The following CLIP2 variants were observed in gnomAD, a reference collection of about 807,000 sequenced individuals.
CLIP2 encodes the protein CAP-Gly domain-containing linker protein 2.
Under a neutral mutation model 111.7 loss-of-function variants are expected in CLIP2, and 41 were observed. That is an observed-to-expected ratio of 0.37 (90% CI 0.29 to 0.48). The LOEUF (loss-of-function observed/expected upper bound fraction) is 0.48. Among genes scored for constraint, CLIP2 ranks in the 20% least tolerant of loss-of-function variants. The pLI is 0.99. For synonymous variants in CLIP2, 660 were observed against 644.2 expected (o/e 1.02, Z -0.37); for missense variants, 1,160 against 1,422.1 (o/e 0.82, Z 2.96).
intron 3 of CLIP2, among the ~76,000 whole-genome samples, chr7:74,339,778 A>T (rs935945172): frequency 6.6e-6 from 1 of 152,012 alleles, no homozygotes; most frequent in Non-Finnish European, 1.5e-5. Flanking sequence ...AAAGGCTGGG[A>T]ACTGGAGTTC....
chr7:74,338,840 C>T lies in CLIP2; in HGVS notation c.514C>T (p.His172Tyr), dbSNP rs1789561865. 1 of 1,610,552 alleles carries T rather than the reference C, an allele frequency of 6.2e-7. No individual in the cohort carries two copies. The highest frequency in any genetic ancestry group is 8.5e-7 in the Non-Finnish European group (1 of 1,179,910). Residue 172 changes from histidine (H) to tyrosine (Y), a missense_variant, in exon 3 of 17, where the codon CAT becomes TAT. By Grantham distance (83) the His-to-Tyr change is moderately conservative (BLOSUM62 2). This residue lies in a region of CLIP2 where 301 missense variants were observed against 315.2 expected (regional missense o/e 0.96). Coordinates refer to ENST00000223398, the MANE Select transcript of CLIP2 (RefSeq NM_003388.5). This position sits in a 1 kb window ranked among gnomAD's most constrained non-coding sequence, Gnocchi z 4.3. Reference protein sequence around the residue: ...ESLTAQNLSLHSGTATPPLTS... With the variant: ...ESLTAQNLSLYSGTATPPLTS... Reference sequence around the variant, plus strand: ...GCTGACTGCCCAGAACCTGTCATTGCATTCGGGCACGGCCACGCCCCCGCT... The same window carrying T: ...GCTGACTGCCCAGAACCTGTCATTGTATTCGGGCACGGCCACGCCCCCGCT...
chr7:74,401,750 A>C, intron 16 of CLIP2, 183 bp downstream of exon 16: 1 of 725,922 alleles, frequency 1.4e-6, no homozygotes, highest in Non-Finnish European at 2.4e-6. Flanking sequence ...GCTCTTTTTG[A>C]TTTGTGTTTT....
chr7:74,385,078 T>C (rs1791048096), intron 11 of CLIP2, among the ~76,000 whole-genome samples: 1 of 138,026 alleles, frequency 7.2e-6, no homozygotes, highest in Non-Finnish European at 1.5e-5. Flanking sequence ...AAAGTTCATG[T>C]CCAGCCTGGC....
At chr7:74,318,069 G>A (rs1188922695) in intron 2 of CLIP2, among the ~76,000 whole-genome samples, 4 of 151,874 alleles carry the variant, frequency 2.6e-5, no homozygotes, top group African/African-American at 9.7e-5. Context: ...GTGGTGGCAG[G>A]TGCCTGTAAT....
intron 3 of CLIP2, among the ~76,000 whole-genome samples, chr7:74,347,779 A>G (rs1562701741): frequency 6.6e-6 from 1 of 152,248 alleles, no homozygotes; most frequent in African/African-American, 2.4e-5. Flanking sequence ...ATGAATATTC[A>G]TGTTGTATAA....
intron 10 of CLIP2, among the ~76,000 whole-genome samples, chr7:74,377,920 G>A (rs768312119): frequency 6.6e-6 from 1 of 151,506 alleles, no homozygotes; most frequent in Non-Finnish European, 1.5e-5. Flanking sequence ...CCGCCTCCCA[G>A]GTTCAAGCAA....
rs1352985399 is a variant in CLIP2 at position 74,376,803 on chromosome 7, G to C, written c.2402G>C (p.Cys801Ser). 2 of 1,599,710 alleles carry C rather than the reference G, an allele frequency of 1.3e-6. No individual in the cohort carries two copies. Among genetic ancestry groups the C allele is most frequent in the Non-Finnish European group, 1.7e-6 (2 of 1,173,984 alleles). ...AGACTCCAGGCGGTCGAGGCCCTGT[G>C]CTCCTCCCAGCACACCCACGTAGGC... ...ENRLQAVEAL[C>S]SSQHTHMIES... Residue 801 changes from cysteine (C) to serine (S), a missense_variant, in exon 10 of 17, where the codon TGC becomes TCC. Coordinates refer to ENST00000223398, the MANE Select transcript of CLIP2 (RefSeq NM_003388.5). The surrounding 1 kb of genome is among the most constrained non-coding windows in gnomAD (Gnocchi z 7.1).
At chr7:74,304,556 CAAA>C (rs11372908) in intron 1 of CLIP2, among the ~76,000 whole-genome samples, 1 of 130,546 alleles carries the variant, frequency 7.7e-6, no homozygotes, top group South Asian at 2.4e-4. Flanking sequence ...GAGACTCTGA[CAAA>C]AAAAAAAAAA....
At chr7:74,379,678 C>T (rs537287041) in intron 10 of CLIP2, among the ~76,000 whole-genome samples, 15 of 151,792 alleles carry the variant, frequency 9.9e-5, no homozygotes, top group South Asian at 2.1e-4. Context: ...GCAGGAGAAT[C>T]GCTTCAGAGT....
chr7:74,376,208 A>G lies in CLIP2; in HGVS notation c.1807A>G (p.Thr603Ala), dbSNP rs781899001. 4 of 1,612,746 alleles carry G rather than the reference A, an allele frequency of 2.5e-6. No homozygotes were observed. The South Asian group carries it at 3.3e-5, about 13-fold the overall frequency. ...AGLKDKVQQA[T>A]SENMGLMDNW... Reference sequence around the variant, plus strand: ...CCTGAAGGACAAGGTTCAGCAGGCCACCAGCGAGAACATGGGGCTAATGGA... The same window carrying G: ...CCTGAAGGACAAGGTTCAGCAGGCCGCCAGCGAGAACATGGGGCTAATGGA... The change falls in exon 10 of 17, where the codon ACC becomes GCC. Residue 603 changes from threonine to alanine, a missense_variant. Thr to Ala is a moderately conservative substitution (Grantham distance 58). This residue lies in a region of CLIP2 where 676 missense variants were observed against 777.8 expected (regional missense o/e 0.87). Coordinates refer to ENST00000223398, the MANE Select transcript of CLIP2 (RefSeq NM_003388.5). The surrounding 1 kb of genome is among the most constrained non-coding windows in gnomAD (Gnocchi z 7.1).
At position 74,401,543 on chromosome 7, in the gene CLIP2, G is replaced by C; in HGVS notation, c.3105G>C (p.Gln1035His). 1 of 1,614,056 alleles carries C rather than the reference G, an allele frequency of 6.2e-7. No individual in the cohort carries two copies. The highest frequency in any genetic ancestry group is 1.1e-5 in the South Asian group (1 of 91,064). Residue 1035 changes from glutamine to histidine, a missense_variant, in exon 16 of 17, where the codon CAG becomes CAC. This residue lies in a region of CLIP2 where 676 missense variants were observed against 777.8 expected (regional missense o/e 0.87). Coordinates refer to ENST00000223398, the MANE Select transcript of CLIP2 (RefSeq NM_003388.5). Reference protein sequence around the residue: ...GNSGSANGIHQQDKAQKQEDK... With the variant: ...GNSGSANGIHHQDKAQKQEDK... ...CCGGTTCTGCAAACGGCATCCACCA[G>C]CAGGACAAAGCTCAGAAACAAGAGG... is the stretch of plus-strand genomic sequence containing the variant.
intron 1 of CLIP2, among the ~76,000 whole-genome samples, chr7:74,307,582 C>T (rs1788530745): frequency 6.6e-6 from 1 of 152,192 alleles, no homozygotes; most frequent in African/African-American, 2.4e-5. Flanking sequence ...CCTCCGCCTC[C>T]TGGGTTCAAG....
chr7:74,299,916 C>T (rs531940609), intron 1 of CLIP2, among the ~76,000 whole-genome samples: 79 of 151,998 alleles, frequency 5.2e-4, no homozygotes, highest in Middle Eastern at 3.4e-3. Context: ...AGGCTGGTCT[C>T]GAACTCCTGA....
Position 74,357,459 on chromosome 7 carries a change from C to T in CLIP2, c.1197C>T (p.Leu399=). Residue 399 remains leucine, a synonymous_variant, in exon 6 of 17, where the codon CTC becomes CTT. Coordinates refer to ENST00000223398, the MANE Select transcript of CLIP2 (RefSeq NM_003388.5). ...ICEVEKEIAL[L]KAQHEQYVAE... is the part of the protein sequence containing the mutation. ...AGGTGGAGAAGGAGATTGCCCTGCTCAAGGCACAGCATGAGCAGGTGAGTG... is the reference window on the plus strand; with the variant it reads ...AGGTGGAGAAGGAGATTGCCCTGCTTAAGGCACAGCATGAGCAGGTGAGTG... The T allele has an allele frequency of 1.2e-6, 2 of 1,613,126 alleles. No homozygotes were observed. The highest frequency in any genetic ancestry group is 1.7e-6 in the Non-Finnish European group (2 of 1,179,620).
chr7:74,389,276 G>C lies in CLIP2; in HGVS notation c.2720+17G>C. The stretch of plus-strand genomic sequence containing the variant: ...GAAGGAGCGGTGAGGCGGCCGTGGG[G>C]CCGGCTGGGTCCTCCCTGTGGCCCT... On this transcript the variant is annotated intron_variant, in intron 13 of 16. Coordinates refer to ENST00000223398, the MANE Select transcript of CLIP2 (RefSeq NM_003388.5). 6.4e-7 allele frequency: 1 copy of C among 1,559,360 alleles called. No individual in the cohort carries two copies. Among genetic ancestry groups the C allele is most frequent in the Non-Finnish European group, 8.7e-7 (1 of 1,154,120 alleles).
At chr7:74,299,081 C>T (rs536933905) in intron 1 of CLIP2, among the ~76,000 whole-genome samples, 10 of 152,156 alleles carry the variant, frequency 6.6e-5, no homozygotes, top group Admixed American at 5.9e-4. Flanking sequence ...CCTGTAATCC[C>T]AGCACTTTGG....
intron 1 of CLIP2, among the ~76,000 whole-genome samples, chr7:74,303,787 C>A (rs1788403495): frequency 6.6e-6 from 1 of 151,488 alleles, no homozygotes; most frequent in Non-Finnish European, 1.5e-5. Flanking sequence ...TGGTGCACTC[C>A]TGTGGGCTCA....
At chr7:74,317,853 A>G (rs142960826) in intron 2 of CLIP2, among the ~76,000 whole-genome samples, 186 bp downstream of exon 2, 1 of 152,220 alleles carries the variant, frequency 6.6e-6, no homozygotes, top group African/African-American at 2.4e-5. Flanking sequence ...CAGGGAGGGG[A>G]CATGGGCGCT....
chr7:74,343,337 C>T (rs1789712416), intron 3 of CLIP2, among the ~76,000 whole-genome samples: 1 of 152,230 alleles, frequency 6.6e-6, no homozygotes, highest in East Asian at 1.9e-4. Context: ...CCCAGGAAAG[C>T]CAACCCCATC....
Sources: allele counts gnomAD v4.1 joint callset (sites outside exome capture counted in the v4.1 genomes callset), GRCh38; gene constraint gnomAD v4.1.1; regional missense constraint gnomAD v4.1.1; non-coding constraint Gnocchi (gnomAD v3.1); transcripts MANE v1.5; gene names NCBI Gene and HGNC (gene_info 2026-07-23, HGNC 2026-07-21).